LPIN2: variants seen among roughly 807,000 people sequenced by gnomAD.
The protein encoded by LPIN2 is lipin 2.
LPIN2 carries 55 observed loss-of-function variants against 111.4 expected under a neutral mutation model. The ratio of observed to expected loss-of-function variants is 0.49; its 90% CI spans 0.40 to 0.62. The LOEUF is 0.62. Ranked by LOEUF, LPIN2 falls within the 20% of genes least tolerant of loss-of-function variation. The pLI is 0.00. For synonymous variants in LPIN2, 425 were observed against 414.0 expected (o/e 1.03, Z -0.32); for missense variants, 992 against 1,112.1 (o/e 0.89, Z 1.54).
chr18:2,974,091 TG>T (rs1235794672), intron 1 of LPIN2, among the ~76,000 whole-genome samples: 2 of 152,202 alleles, frequency 1.3e-5, no homozygotes, highest in Non-Finnish European at 2.9e-5. Context: ...TAGTTGTTGT[TG>T]TTGTTTTGTT....
At chr18:3,005,344 T>TC (rs1235948422) in intron 1 of LPIN2, among the ~76,000 whole-genome samples, 1 of 146,028 alleles carries the variant, frequency 6.8e-6, no homozygotes, top group Admixed American at 6.9e-5. Flanking sequence ...AGAGCAAGAC[T>TC]CCGTCTCAAA....
At chr18:2,945,957 A>G (rs1189286075) in intron 4 of LPIN2, 54 of 1,402,492 alleles carry the variant, frequency 3.9e-5, no homozygotes, top group South Asian at 1.6e-4. Flanking sequence ...TTTTTCTTCT[A>G]CAACAGCTCC....
intron 1 of LPIN2, among the ~76,000 whole-genome samples, chr18:2,971,349 G>A (rs1392480278): frequency 1.3e-5 from 2 of 152,162 alleles, no homozygotes; most frequent in African/African-American, 4.8e-5. Flanking sequence ...TGATAGGGGA[G>A]GATGTGTGGG....
chr18:2,939,466 G>A lies in LPIN2; in HGVS notation c.822+14C>T, dbSNP rs1296064380. 1 of 1,613,312 alleles carries A rather than the reference G, an allele frequency of 6.2e-7. No homozygotes were observed. Among genetic ancestry groups the A allele is most frequent in the Admixed American group, 1.7e-5 (1 of 59,996 alleles). The stretch of plus-strand genomic sequence containing the variant: ...TCATTAACACACTTTCCACAGGCAA[G>A]TAAACCCTAGTACCTTGGTGGACTC... On this transcript the variant is annotated intron_variant, in intron 6 of 19. Transcript: ENST00000677752.
At chr18:2,947,130 A>G (rs148303250) in intron 4 of LPIN2, among the ~76,000 whole-genome samples, 159 of 152,302 alleles carry the variant, frequency 1.0e-3, no homozygotes, top group East Asian at 3.7e-3. Flanking sequence ...TAGCTCCCAG[A>G]TATCACTTTT....
intron 1 of LPIN2, among the ~76,000 whole-genome samples, chr18:2,999,635 CAG>C (rs993448578): frequency 1.3e-5 from 2 of 150,424 alleles, no homozygotes; most frequent in African/African-American, 4.9e-5. Flanking sequence ...GAAATCTGGA[CAG>C]AGAGACAGAC....
Position 2,926,773 on chromosome 18 carries a change from T to A in LPIN2, c.1743A>T (p.Ala581=). 1 of 1,613,660 alleles carries A rather than the reference T, an allele frequency of 6.2e-7. No individual in the cohort carries two copies. The highest frequency in any genetic ancestry group is 2.2e-5 in the East Asian group (1 of 44,880). The change falls in exon 13 of 20, where the codon GCA becomes GCT. Residue 581 remains alanine (A), a synonymous_variant. Coordinates refer to ENST00000677752, the MANE Select transcript of LPIN2 (RefSeq NM_001375808.2). The stretch of plus-strand genomic sequence containing the variant: ...TGGATGGCAGGTCACTGGCTGGCGG[T>A]GCCTCAGATTTTCCCTCCTTGGATT... The part of the protein sequence containing the change: ...LPESKEGKSE[A]PPASDLPSSS...
chr18:3,000,193 G>A (rs1228254773), intron 1 of LPIN2, among the ~76,000 whole-genome samples: 1 of 32,382 alleles, frequency 3.1e-5, no homozygotes, highest in African/African-American at 5.1e-5. Context: ...AAGGATAAAG[G>A]AATGGGCAAA....
intron 3 of LPIN2, among the ~76,000 whole-genome samples, chr18:2,954,018 A>C (rs1051659758): frequency 6.6e-6 from 1 of 152,186 alleles, no homozygotes; most frequent in African/African-American, 2.4e-5. Context: ...AGGCCAATTA[A>C]TTTAACTCTC....
rs984291902 is a variant in LPIN2 at position 2,929,964 on chromosome 18, AAAAC to A, written c.1457-810_1457-807del. ...TGTTACAATTGCTTGGAGAATTAAAAAAACAAAACAAGGCAAAACAAAAAAACCT... is the reference window on the plus strand; with the variant it reads ...TGTTACAATTGCTTGGAGAATTAAAAAAAACAAGGCAAAACAAAAAAACCT... On this transcript the variant is annotated intron_variant, in intron 9 of 19. Transcript: ENST00000677752. 1.0e-3 allele frequency among the ~76,000 whole-genome samples: 157 copies of A among 152,306 alleles called. 1 individual carries two copies. Among genetic ancestry groups the A allele is most frequent in the African/African-American group, 3.5e-3 (145 of 41,562 alleles).
chr18:2,956,629 C>T (rs1240274200), intron 2 of LPIN2, among the ~76,000 whole-genome samples: 3 of 152,172 alleles, frequency 2.0e-5, no homozygotes, highest in Non-Finnish European at 4.4e-5. Flanking sequence ...CAAACTGGGA[C>T]AATCTGAGCA....
Position 2,917,529 on chromosome 18 carries a change from T to G in LPIN2, c.*2764A>C, listed in dbSNP as rs2076988232. 6.6e-6 allele frequency: 1 copy of G among 152,222 alleles called. No homozygotes were observed. Among genetic ancestry groups the G allele is most frequent in the Non-Finnish European group, 1.5e-5 (1 of 68,046 alleles). The allele number at this position is 152,222 out of a possible 1,614,324, so 9.4% of individuals were successfully genotyped here. ...GGGCCAGCGCTTCCCAGTCATCCAA[T>G]CTCCTTTGTCCCTCGGTTGTTCTGT... On this transcript the variant is annotated 3_prime_UTR_variant, in exon 20 of 20. Transcript: ENST00000677752.
Position 2,920,328 on chromosome 18 carries a change from G to A in LPIN2, c.2656C>T (p.Pro886Ser), listed in dbSNP as rs1470910142. Residue 886 changes from proline (P) to serine (S), a missense_variant, in exon 20 of 20, where the codon CCG becomes TCG. Pro to Ser is a moderately conservative substitution (Grantham distance 74). This residue lies in a region of LPIN2 where 185 missense variants were observed against 186.5 expected (regional missense o/e 0.99). Transcript: ENST00000677752. ...EFSSFCYWRDPIPEVDLDDLS is the reference protein window; with the variant it reads ...EFSSFCYWRDSIPEVDLDDLS ...TCATCCAGGTCCACTTCAGGGATCG[G>A]GTCTCGCCAGTAGCAGAAGGAGCTG... 2.5e-6 allele frequency: 4 copies of A among 1,614,168 alleles called. No homozygotes were observed. The highest frequency in any genetic ancestry group is 3.4e-6 in the Non-Finnish European group (4 of 1,180,040).
chr18:2,978,161 T>G (rs1355729042), intron 1 of LPIN2, among the ~76,000 whole-genome samples: 1 of 151,820 alleles, frequency 6.6e-6, no homozygotes, highest in Non-Finnish European at 1.5e-5. Context: ...CACTCCAGCC[T>G]GGGCGACAGA....
intron 1 of LPIN2, among the ~76,000 whole-genome samples, chr18:2,991,364 G>C (rs113295027): frequency 1.4e-4 from 21 of 152,326 alleles, no homozygotes; most frequent in African/African-American, 5.1e-4. Context: ...CTTGTGCACT[G>C]TTGGTGAGAA....
intron 4 of LPIN2, among the ~76,000 whole-genome samples, chr18:2,943,901 G>A (rs1329435286): frequency 1.3e-5 from 2 of 152,072 alleles, no homozygotes; most frequent in African/African-American, 4.8e-5. Flanking sequence ...GTAGTAGAAT[G>A]ATATATATGC....
chr18:2,921,468 A>AC lies in LPIN2; in HGVS notation c.2442+64dup, dbSNP rs985791164. ...GCTTTGAGAATTGGGACGTGGCTACACCCCACGAAGTACATCCCTCTGAAT... is the reference window on the plus strand; with the variant it reads ...GCTTTGAGAATTGGGACGTGGCTACACCCCCACGAAGTACATCCCTCTGAAT... On this transcript the variant is annotated intron_variant, in intron 18 of 19. Transcript: ENST00000677752. The AC allele has an allele frequency of 6.7e-6, 8 of 1,195,034 alleles. No individual in the cohort carries two copies. In the African/African-American group the frequency reaches 1.2e-4, roughly 18 times the overall value. The allele number at this position is 1,195,034 out of a possible 1,614,324, so 74.0% of individuals were successfully genotyped here.
intron 1 of LPIN2, among the ~76,000 whole-genome samples, chr18:2,974,164 C>T (rs1189762492): frequency 6.6e-6 from 1 of 152,090 alleles, no homozygotes; most frequent in Non-Finnish European, 1.5e-5. Context: ...GTGCAATCTG[C>T]CTCCCAGGTT....
chr18:3,010,288 A>C (rs578027324), intron 1 of LPIN2, among the ~76,000 whole-genome samples: 10 of 152,360 alleles, frequency 6.6e-5, no homozygotes, highest in African/African-American at 1.9e-4. Flanking sequence ...AGTTATTCAA[A>C]TGTCTTATTA....
Sources: allele counts gnomAD v4.1 joint callset (sites outside exome capture counted in the v4.1 genomes callset), GRCh38; gene constraint gnomAD v4.1.1; regional missense constraint gnomAD v4.1.1; transcripts MANE v1.5; gene names NCBI Gene and HGNC (gene_info 2026-07-23, HGNC 2026-07-21).